Variants in FOXM1 observed in about 807,000 individuals in gnomAD.
FOXM1 encodes the protein forkhead box M1, also known as forkhead box protein M1.
FOXM1 carries 25 observed loss-of-function variants against 63.6 expected under a neutral mutation model. The ratio of observed to expected loss-of-function variants is 0.39; its 90% CI spans 0.29 to 0.55. FOXM1 has a LOEUF of 0.55. Ranked by LOEUF, FOXM1 falls within the 20% of genes least tolerant of loss-of-function variation. FOXM1 has a pLI of 0.60. For missense variants in FOXM1, 879 were observed against 958.7 expected, an observed-to-expected ratio of 0.92 and a Z score of 1.10; for synonymous variants, 387 against 376.9, an observed-to-expected ratio of 1.03 and a Z score of -0.31.
rs1338489984 is a variant in FOXM1, at chr12:2,859,504, GTCTCGC to G, written c.1420_1425del (p.Ala474_Arg475del). 6.2e-7 allele frequency: 1 copy of G among 1,613,974 alleles called. No individual in the cohort carries two copies. The highest frequency in any genetic ancestry group is 2.2e-5 in the East Asian group (1 of 44,876). ...AAGGGAGGGCTCTCCACTTTGATGG[GTCTCGC>G]TAAGTGTGGCATTTCCTCCCCAGGC... On this transcript the variant is annotated inframe_deletion, in exon 9 of 9. Transcript: ENST00000359843.
chr12:2,868,521 G>C, intron 4 of FOXM1, 42 bp downstream of exon 4: 1 of 1,525,300 alleles, frequency 6.6e-7, no homozygotes, highest in East Asian at 2.3e-5. Flanking sequence ...GAGACTGTCA[G>C]GCTGGGCTGA....
Position 2,874,028 on chromosome 12 carries a change from T to G in FOXM1, c.451A>C (p.Asn151His), listed in dbSNP as rs1482910488. The G allele has an allele frequency of 6.2e-7, 1 of 1,614,110 alleles. No individual in the cohort carries two copies. The highest frequency in any genetic ancestry group is 1.1e-5 in the South Asian group (1 of 91,082). Residue 151 changes from asparagine to histidine, a missense_variant, in exon 2 of 9, where the codon AAT becomes CAT. Physicochemically the swap from Asn to His is moderately conservative, Grantham distance 68. Coordinates refer to ENST00000359843, the MANE Select transcript of FOXM1 (RefSeq NM_021953.4). This position sits in a 1 kb window ranked among gnomAD's most constrained non-coding sequence, Gnocchi z 4.3. The part of the protein sequence containing the change: ...LGPKPAARDV[N>H]LPRPPGALCE... The stretch of plus-strand genomic sequence containing the variant: ...AGGGCTCCAGGTGGTCTAGGAAGAT[T>G]CACATCCCTAGCTGCAGGTTTTGGT...
In FOXM1 at chr12:2,876,996, AGCCAGGGCCCCGGACGGGGGCTCGC is replaced by A. The variant is rs1324725773; in HGVS notation, c.-149_-125del. On this transcript the variant is annotated 5_prime_UTR_variant, in exon 1 of 9. Coordinates refer to ENST00000359843, the MANE Select transcript of FOXM1 (RefSeq NM_021953.4). Reference sequence around the variant, plus strand: ...CCGGGCTCCTCCAACCTGGGGGCCGAGCCAGGGCCCCGGACGGGGGCTCGCGCCGGACCGGCCGGGTCCCCGGCGG... The same window carrying A: ...CCGGGCTCCTCCAACCTGGGGGCCGAGCCGGACCGGCCGGGTCCCCGGCGG... 4 of 151,490 alleles carry A rather than the reference AGCCAGGGCCCCGGACGGGGGCTCGC, an allele frequency of 2.6e-5. No homozygotes were observed. Among genetic ancestry groups the A allele is most frequent in the Admixed American group, 2.0e-4 (3 of 15,252 alleles). The allele number at this position is 151,490 out of a possible 1,614,324, so 9.4% of individuals were successfully genotyped here. A position where few individuals can be genotyped will look rare whatever the true frequency, so the allele number is the denominator to read the frequency against.
Position 2,859,649 on chromosome 12 carries a change from C to A in FOXM1, c.1281G>T (p.Glu427Asp). The A allele has an allele frequency of 6.2e-7, 1 of 1,606,756 alleles. No homozygotes were observed. Among genetic ancestry groups the A allele is most frequent in the South Asian group, 1.1e-5 (1 of 90,468 alleles). ...VRIAPKVLLA[E>D]EGIAPLSSAG... ...CAGAAGAAAGAGGAGCTATCCCCTC[C>A]TCAGCTAGCAGCACCTGAAAGGGAA... Residue 427 changes from glutamate (E) to aspartate (D), a missense_variant, in exon 9 of 9, where the codon GAG becomes GAT. Around this residue, in one of 4 missense-constraint regions of FOXM1, gnomAD observed 486 missense variants for 453.5 expected, o/e 1.07. Coordinates refer to ENST00000359843, the MANE Select transcript of FOXM1 (RefSeq NM_021953.4).
At chr12:2,873,059 A>T (rs935374965) in intron 2 of FOXM1, among the ~76,000 whole-genome samples, 2 of 152,120 alleles carry the variant, frequency 1.3e-5, no homozygotes, top group African/African-American at 4.8e-5. Flanking sequence ...ATCTCTAAAG[A>T]AAAAGTCATT....
In FOXM1 at chr12:2,865,642, GCT is replaced by G. The variant is rs2098121765; in HGVS notation, c.976-245_976-244del. Among the ~76,000 whole-genome samples, 4 of 128,704 alleles carry G rather than the reference GCT, an allele frequency of 3.1e-5. No homozygotes were observed. In the South Asian group the frequency reaches 9.9e-4, roughly 32 times the overall value. The allele number at this position is 128,704 out of a possible 152,430, so 84.4% of individuals were successfully genotyped here. ...GCTTCTGGTCTCCAGCCTAAGGCAG[GCT>G]TTTTTTTTTTTTTTTTTTTTTTTTT... is the stretch of plus-strand genomic sequence containing the variant. On this transcript the variant is annotated intron_variant, in intron 5 of 8. Transcript: ENST00000359843.
rs759078343 is a variant in FOXM1, at chr12:2,866,471, C to T, written c.897G>A (p.Thr299=). ...AGAAGGAGACCTTGCCATTGGCAGA[C>T]GTCTCCCGGACAAACATGTCGTGCA... ...LSLHDMFVRE[T]SANGKVSFWT... Residue 299 remains threonine, a synonymous_variant, in exon 5 of 9, where the codon ACG becomes ACA. Transcript: ENST00000359843. The T allele has an allele frequency of 8.3e-6, 13 of 1,570,864 alleles. No individual in the cohort carries two copies. Among genetic ancestry groups the T allele is most frequent in the Non-Finnish European group, 7.8e-6 (9 of 1,160,362 alleles).
chr12:2,868,493 T>C (rs2153937450), intron 4 of FOXM1, 70 bp downstream of exon 4: 1 of 1,077,690 alleles, frequency 9.3e-7, no homozygotes, highest in Middle Eastern at 2.2e-4. Flanking sequence ...CAGATACAAG[T>C]TGCAGTACAG....
Position 2,864,215 on chromosome 12 carries a change from G to T in FOXM1, c.1266+105C>A. On this transcript the variant is annotated intron_variant, in intron 8 of 8. Transcript: ENST00000359843. The surrounding 1 kb of genome is among the most constrained non-coding windows in gnomAD (Gnocchi z 5.1). ...TTTTTATGCCTTTTCTACCCAACTA[G>T]ATTTATAAGCTCTCAAGGAACACTT... The T allele has an allele frequency of 9.7e-7, 1 of 1,032,500 alleles. No homozygotes were observed. Among genetic ancestry groups the T allele is most frequent in the Non-Finnish European group, 1.4e-6 (1 of 702,476 alleles). The allele number at this position is 1,032,500 out of a possible 1,614,324, so 64.0% of individuals were successfully genotyped here.
intron 1 of FOXM1, among the ~76,000 whole-genome samples, chr12:2,876,081 A>G (rs1360797987): frequency 1.3e-5 from 2 of 152,104 alleles, no homozygotes; most frequent in Non-Finnish European, 2.9e-5. Context: ...TTTAATAGAT[A>G]CATGGAATAT....
At position 2,872,545 on chromosome 12, in the gene FOXM1, G is replaced by T. The variant is rs543039450; in HGVS notation, c.503-298C>A. Among the ~76,000 whole-genome samples the T allele has an allele frequency of 2.6e-5, 4 of 152,248 alleles. No individual in the cohort carries two copies. Among genetic ancestry groups the T allele is most frequent in the Admixed American group, 2.6e-4 (4 of 15,280 alleles). On this transcript the variant is annotated intron_variant, in intron 2 of 8. Coordinates refer to ENST00000359843, the MANE Select transcript of FOXM1 (RefSeq NM_021953.4). The surrounding 1 kb of genome is among the most constrained non-coding windows in gnomAD (Gnocchi z 4.0). ...AATTGCTCGAACCCGGGAGACGAAG[G>T]CTGCAGTGAGCCAACATTGCGCCAC...
intron 3 of FOXM1, among the ~76,000 whole-genome samples, chr12:2,871,455 G>T (rs1348484038): frequency 6.6e-6 from 1 of 152,022 alleles, no homozygotes; most frequent in East Asian, 1.9e-4. Flanking sequence ...AAATCAGCCT[G>T]GGCAACATAG....
chr12:2,871,153 C>T lies in FOXM1; in HGVS notation c.654+943G>A, dbSNP rs373977085. ...TTGTACACTAAACCCCAGCGACACA[C>T]AATATACCCATGTAACACACCTGCA... On this transcript the variant is annotated intron_variant, in intron 3 of 8. Coordinates refer to ENST00000359843, the MANE Select transcript of FOXM1 (RefSeq NM_021953.4). Among the ~76,000 whole-genome samples the T allele has an allele frequency of 3.3e-5, 5 of 151,748 alleles. No individual in the cohort carries two copies. The East Asian group carries it at 9.7e-4, about 29-fold the overall frequency.
chr12:2,858,930 G>A lies in FOXM1; in HGVS notation c.2000C>T (p.Ala667Val), dbSNP rs2098100231. 1 of 1,613,766 alleles carries A rather than the reference G, an allele frequency of 6.2e-7. No homozygotes were observed. The highest frequency in any genetic ancestry group is 1.1e-5 in the South Asian group (1 of 91,080). ...CCTTTGCGGTGATTCAAGGGGGGGA[G>A]CACTTTGCAAGGGAGTGGTGCTGAG... ...MDLSTTPLQSAPPLESPQRLL... is the reference protein window; with the variant it reads ...MDLSTTPLQSVPPLESPQRLL... Residue 667 changes from alanine to valine, a missense_variant, in exon 9 of 9, where the codon GCT (alanine) becomes GTT (valine). Coordinates refer to ENST00000359843, the MANE Select transcript of FOXM1 (RefSeq NM_021953.4).
At chr12:2,870,186 G>A (rs927580421) in intron 3 of FOXM1, among the ~76,000 whole-genome samples, 3 of 151,528 alleles carry the variant, frequency 2.0e-5, no homozygotes, top group Admixed American at 2.0e-4. Flanking sequence ...GGCGGGGTCA[G>A]GCTGGTCTGG....
intron 4 of FOXM1, among the ~76,000 whole-genome samples, chr12:2,868,079 T>C (rs1442569724): frequency 6.6e-6 from 1 of 152,096 alleles, no homozygotes; most frequent in Non-Finnish European, 1.5e-5. Flanking sequence ...TTTGTGGCTC[T>C]GACACCGACC....
Position 2,858,457 on chromosome 12 carries a change from G to A in FOXM1, c.*181C>T, listed in dbSNP as rs1348195305. 22 of 584,136 alleles carry A rather than the reference G, an allele frequency of 3.8e-5. No individual in the cohort carries two copies. The highest frequency in any genetic ancestry group is 3.1e-4 in the East Asian group (11 of 35,630). 36.2% of individuals were successfully genotyped at this position (584,136 alleles called of 1,614,324 possible). On this transcript the variant is annotated 3_prime_UTR_variant, in exon 9 of 9. Transcript: ENST00000359843. ...CAGCAGAGGAATCAGATACTCTTGG[G>A]GAACACAAGGTCCCAGCAGTGGCTA... is the stretch of plus-strand genomic sequence containing the variant.
rs958716560 is a variant in FOXM1 at position 2,866,904 on chromosome 12, G to A, written c.847-383C>T. 3.9e-5 allele frequency among the ~76,000 whole-genome samples: 6 copies of A among 152,336 alleles called. No homozygotes were observed. The East Asian group carries it at 1.2e-3, about 29-fold the overall frequency. On this transcript the variant is annotated intron_variant, in intron 4 of 8. Coordinates refer to ENST00000359843, the MANE Select transcript of FOXM1 (RefSeq NM_021953.4). The stretch of plus-strand genomic sequence containing the variant: ...GTGGTGGCTCACGCCTATAATCCCA[G>A]CACTGTGGGAGGCCAAGGTGAGTGG...
At chr12:2,870,779 T>G (rs2098131836) in intron 3 of FOXM1, among the ~76,000 whole-genome samples, 1 of 150,568 alleles carries the variant, frequency 6.6e-6, no homozygotes, top group South Asian at 2.1e-4. Flanking sequence ...GCCAACATAG[T>G]GAAACCCCAT....
Sources: allele counts gnomAD v4.1 joint callset (sites outside exome capture counted in the v4.1 genomes callset), GRCh38; gene constraint gnomAD v4.1.1; regional missense constraint gnomAD v4.1.1; non-coding constraint Gnocchi (gnomAD v3.1); transcripts MANE v1.5; gene names NCBI Gene and HGNC (gene_info 2026-07-23, HGNC 2026-07-21).